ADAMTS1: variants seen among roughly 807,000 people sequenced by gnomAD.
ADAMTS1 encodes the protein ADAM metallopeptidase with thrombospondin type 1 motif 1.
Under a neutral mutation model 87.9 loss-of-function variants are expected in ADAMTS1, and 19 were observed. The ratio of observed to expected loss-of-function variants is 0.22; its 90% confidence interval spans 0.15 to 0.32. The LOEUF is 0.32. ADAMTS1 is among the 10% of genes least tolerant of loss of function. ADAMTS1 has a pLI of 1.00. For missense variants in ADAMTS1, 1,240 were observed against 1,259.1 expected, an observed-to-expected ratio of 0.98 and a Z score of 0.23; for synonymous variants, 542 against 501.8, an observed-to-expected ratio of 1.08 and a Z score of -1.07.
Position 26,837,662 on chromosome 21 carries a change from C to A in ADAMTS1, c.2821G>T (p.Gly941Trp). Residue 941 changes from glycine to tryptophan, a missense_variant, in exon 9 of 9, where the codon GGG (glycine) becomes TGG (tryptophan). By Grantham distance (184) the Gly-to-Trp change is radical. Coordinates refer to ENST00000284984, the MANE Select transcript of ADAMTS1 (RefSeq NM_006988.5). Reference protein sequence around the residue: ...RSLKCLSHDGGVLSHESCDPL... With the variant: ...RSLKCLSHDGWVLSHESCDPL... ...TCACAGCTCTCATGAGATAACACCCCTCCATCATGGGACAGACACTTCAAG... is the reference window on the plus strand; with the variant it reads ...TCACAGCTCTCATGAGATAACACCCATCCATCATGGGACAGACACTTCAAG... 1 of 1,614,208 alleles carries A rather than the reference C, an allele frequency of 6.2e-7. No homozygotes were observed. The highest frequency in any genetic ancestry group is 1.1e-5 in the South Asian group (1 of 91,090).
At chr21:26,844,152 C>A (rs1185315201) in intron 1 of ADAMTS1, 73 bp downstream of exon 1, 2 of 1,493,646 alleles carry the variant, frequency 1.3e-6, no homozygotes, top group African/African-American at 2.8e-5. Flanking sequence ...GGAGTCTACC[C>A]TGAAGTCGCG....
chr21:26,843,792 G>T, intron 1 of ADAMTS1: 1 of 480,960 alleles, frequency 2.1e-6, no homozygotes, highest in African/African-American at 2.0e-5. Context: ...GCCCTCCCGT[G>T]AGCGCAGGAT....
intron 1 of ADAMTS1, 137 bp from the exon 2 acceptor site, chr21:26,842,822 T>G (rs147227524): frequency 0.019 from 13,250 of 681,924 alleles, 174 homozygotes; most frequent in Non-Finnish European, 0.023. Flanking sequence ...CAAAAATATT[T>G]GCATATCTTC....
intron 2 of ADAMTS1, 81 bp from the exon 3 acceptor site, chr21:26,842,071 C>A: frequency 6.8e-7 from 1 of 1,479,146 alleles, no homozygotes; most frequent in South Asian, 1.3e-5. Context: ...GGTGTGCCTT[C>A]ACATATGCTT....
In ADAMTS1 at chr21:26,835,793, G is replaced by T. The variant is rs1050588504; in HGVS notation, c.*1786C>A. 2 of 151,586 alleles carry T rather than the reference G, an allele frequency of 1.3e-5. No individual in the cohort carries two copies. The highest frequency in any genetic ancestry group is 3.0e-5 in the Non-Finnish European group (2 of 67,790). The allele number at this position is 151,586 out of a possible 1,614,324, so 9.4% of individuals were successfully genotyped here. A position where few individuals can be genotyped will look rare whatever the true frequency, so the allele number is the denominator to read the frequency against. The stretch of plus-strand genomic sequence containing the variant: ...CATTTAATTTATGGTATATACCAGG[G>T]TTGGCAAACTGAATCTGCAGAACAA... On this transcript the variant is annotated 3_prime_UTR_variant, in exon 9 of 9. Coordinates refer to ENST00000284984, the MANE Select transcript of ADAMTS1 (RefSeq NM_006988.5).
chr21:26,839,399 T>C (rs1985443309), intron 7 of ADAMTS1, 188 bp downstream of exon 7: 1 of 542,012 alleles, frequency 1.8e-6, no homozygotes, highest in Non-Finnish European at 3.2e-6. Flanking sequence ...AGATTTAAGC[T>C]TCATTCATAA....
Position 26,844,765 on chromosome 21 carries a change from C to T in ADAMTS1, c.190G>A (p.Glu64Lys). Residue 64 changes from glutamate (E) to lysine (K), a missense_variant, in exon 1 of 9, where the codon GAG becomes AAG. Coordinates refer to ENST00000284984, the MANE Select transcript of ADAMTS1 (RefSeq NM_006988.5). ...SEEDEELVVPELERAPGHGTT... is the reference protein window; with the variant it reads ...SEEDEELVVPKLERAPGHGTT... ...CCGTGTCCCGGGGCGCGCTCCAGCT[C>T]CGGCACCACTAGCTCCTCGTCCTCC... 1 of 1,553,194 alleles carries T rather than the reference C, an allele frequency of 6.4e-7. No homozygotes were observed. Among genetic ancestry groups the T allele is most frequent in the Non-Finnish European group, 8.7e-7 (1 of 1,146,048 alleles).
At chr21:26,841,236 C>T (rs1985487477) in intron 3 of ADAMTS1, 71 bp from the exon 4 acceptor site, 1 of 1,540,004 alleles carries the variant, frequency 6.5e-7, no homozygotes, top group African/African-American at 1.4e-5. Context: ...ACCTGTAATT[C>T]CAGAAGCCGA....
intron 3 of ADAMTS1, 58 bp from the exon 4 acceptor site, chr21:26,841,223 C>A: frequency 1.3e-6 from 2 of 1,578,854 alleles, no homozygotes; most frequent in South Asian, 1.1e-5. Context: ...TGCGGTGGCT[C>A]ACACCTGTAA....
At position 26,837,936 on chromosome 21, in the gene ADAMTS1, G is replaced by C; in HGVS notation, c.2547C>G (p.Phe849Leu). 1 of 1,614,204 alleles carries C rather than the reference G, an allele frequency of 6.2e-7. No homozygotes were observed. Among genetic ancestry groups the C allele is most frequent in the Non-Finnish European group, 8.5e-7 (1 of 1,180,036 alleles). Residue 849 changes from phenylalanine (F) to leucine (L), a missense_variant, in exon 9 of 9, where the codon TTC becomes TTG. Physicochemically the swap from Phe to Leu is conservative, Grantham distance 22 (BLOSUM62 0). This residue lies in a region of ADAMTS1 where 402 missense variants were observed against 399.1 expected (regional missense o/e 1.01). Transcript: ENST00000284984. Reference protein sequence around the residue: ...TYFVKKKKESFNAIPTFSAWV... With the variant: ...TYFVKKKKESLNAIPTFSAWV... The stretch of plus-strand genomic sequence containing the variant: ...ATGCTGAAAAAGTGGGGATAGCATT[G>C]AAAGATTCCTTCTTCTTCTTTACGA...
chr21:26,836,723 T>G lies in ADAMTS1; in HGVS notation c.*856A>C, dbSNP rs946550721. 1.3e-5 allele frequency: 2 copies of G among 152,584 alleles called. No individual in the cohort carries two copies. Among genetic ancestry groups the G allele is most frequent in the East Asian group, 3.8e-4 (2 of 5,200 alleles). 9.5% of individuals were successfully genotyped at this position (152,584 alleles called of 1,614,324 possible). On this transcript the variant is annotated 3_prime_UTR_variant, in exon 9 of 9. Transcript: ENST00000284984. ...GCGTTTCATCCTCCTTGTGTGATTG[T>G]ACTGATTTTCATGAGACACAAGTTA...
intron 1 of ADAMTS1, chr21:26,843,848 C>G (rs1985549567): frequency 1.5e-5 from 7 of 457,502 alleles, no homozygotes. Flanking sequence ...CGTTGCAACC[C>G]GCACAAAAGG....
rs1355802826 is a variant in ADAMTS1, at chr21:26,839,676, G to A, written c.1939C>T (p.Pro647Ser). 2.5e-6 allele frequency: 4 copies of A among 1,613,980 alleles called. No individual in the cohort carries two copies. Among genetic ancestry groups the A allele is most frequent in the Non-Finnish European group, 3.4e-6 (4 of 1,179,884 alleles). The change falls in exon 7 of 9, where the codon CCC (proline) becomes TCC (serine). Residue 647 changes from proline (P) to serine (S), a missense_variant. Around this residue, in one of 3 missense-constraint regions of ADAMTS1, gnomAD observed 402 missense variants for 399.1 expected, o/e 1.01. Transcript: ENST00000284984. ...FGSGPAVEWI[P>S]KYAGVSPKDR... The stretch of plus-strand genomic sequence containing the variant: ...TTTGGTGAGACGCCAGCGTACTTGG[G>A]AATCCATTCCACCGCAGGCCCACTC...
rs1294808194 is a variant in ADAMTS1 at position 26,842,435 on chromosome 21, G to T, written c.981C>A (p.Leu327=). The change falls in exon 2 of 9, where the codon CTC becomes CTA. Residue 327 remains leucine (L), a synonymous_variant. Transcript: ENST00000284984. ...GCCAGTTGCAAAAGTTCCGCAGAGT[G>T]AGGGCAGCATTGGAGGTCACTTCCG... ...KGPEVTSNAA[L]TLRNFCNWQK... The T allele has an allele frequency of 6.2e-7, 1 of 1,614,176 alleles. No individual in the cohort carries two copies. The highest frequency in any genetic ancestry group is 8.5e-7 in the Non-Finnish European group (1 of 1,180,034).
At position 26,845,341 on chromosome 21, in the gene ADAMTS1, C is replaced by T. The variant is rs561029483; in HGVS notation, c.-387G>A. 2.1e-5 allele frequency: 4 copies of T among 189,782 alleles called. No homozygotes were observed. The highest frequency in any genetic ancestry group is 9.3e-5 in the African/African-American group (4 of 43,122). 11.8% of individuals were successfully genotyped at this position (189,782 alleles called of 1,614,324 possible). On this transcript the variant is annotated 5_prime_UTR_variant, in exon 1 of 9. Transcript: ENST00000284984. ...TTGCTCACTCTGCTCAGGGCTCTCC[C>T]CTCTCCGTCCGGTAGCGCACCCTGG...
chr21:26,838,347 C>T, intron 8 of ADAMTS1, 69 bp from the exon 9 acceptor site: 1 of 1,574,320 alleles, frequency 6.4e-7, no homozygotes, highest in Non-Finnish European at 8.6e-7. Flanking sequence ...CTTAAAAACA[C>T]ATTAATCTTT....
chr21:26,837,332 G>T lies in ADAMTS1; in HGVS notation c.*247C>A. ...AAAAGAAATAATAATAATAATGCCC[G>T]GGGCTTTATTATGCTATATCACTGC... On this transcript the variant is annotated 3_prime_UTR_variant, in exon 9 of 9. Coordinates refer to ENST00000284984, the MANE Select transcript of ADAMTS1 (RefSeq NM_006988.5). The T allele has an allele frequency of 2.4e-6, 1 of 414,754 alleles. No individual in the cohort carries two copies. 25.7% of individuals were successfully genotyped at this position (414,754 alleles called of 1,614,324 possible).
In ADAMTS1 at chr21:26,842,007, T is replaced by C. The variant is rs776364145; in HGVS notation, c.1078-17A>G. 6.2e-7 allele frequency: 1 copy of C among 1,610,820 alleles called. No individual in the cohort carries two copies. Among genetic ancestry groups the C allele is most frequent in the Non-Finnish European group, 8.5e-7 (1 of 1,179,148 alleles). ...ACACAAGTCCTACAAAAAGCAAAGG[T>C]AAATACTTATTAATAAGGGGAGCAT... On this transcript the variant is annotated splice_polypyrimidine_tract_variant and intron_variant, in intron 2 of 8. Coordinates refer to ENST00000284984, the MANE Select transcript of ADAMTS1 (RefSeq NM_006988.5).
chr21:26,844,397 C>T lies in ADAMTS1; in HGVS notation c.558G>A (p.Leu186=). The T allele has an allele frequency of 6.3e-7, 1 of 1,595,350 alleles. No homozygotes were observed. Among genetic ancestry groups the T allele is most frequent in the Non-Finnish European group, 8.5e-7 (1 of 1,172,776 alleles). The part of the protein sequence containing the change: ...KPPAPLQFHL[L]RRNRQGDVGG... ...CGACGTCGCCCTGCCGATTCCGCCG[C>T]AGGAGGTGGAACTGTAGTGGTGCCG... Residue 186 remains leucine (L), a synonymous_variant, in exon 1 of 9, where the codon CTG becomes CTA. Coordinates refer to ENST00000284984, the MANE Select transcript of ADAMTS1 (RefSeq NM_006988.5).
Sources: gnomAD v4.1 joint callset for allele counts on GRCh38, gnomAD v4.1.1 for gene constraint, gnomAD v4.1.1 regional missense constraint, MANE v1.5 for transcripts, NCBI Gene and HGNC (gene_info 2026-07-23, HGNC 2026-07-21) for gene names.